C12orf50: variants seen among roughly 807,000 people sequenced by gnomAD.
C12orf50 encodes the protein zinc finger CCCH-type containing 11D.
Under a neutral mutation model 61.6 loss-of-function variants are expected in C12orf50, and 35 were observed. That is an observed-to-expected ratio of 0.57 (90% CI 0.43 to 0.75). The LOEUF (loss-of-function observed/expected upper bound fraction) is 0.75. Ranked by LOEUF, C12orf50 falls within the 30% of genes least tolerant of loss-of-function variation. The pLI, the probability that C12orf50 is intolerant of heterozygous loss-of-function variation, is 0.00. For synonymous variants in C12orf50, 178 were observed against 161.5 expected (o/e 1.10, Z -0.77); for missense variants, 475 against 488.5 (o/e 0.97, Z 0.26).
At chr12:88,020,505 C>T (rs1397758395) in intron 3 of C12orf50, among the ~76,000 whole-genome samples, 3 of 152,066 alleles carry the variant, frequency 2.0e-5, no homozygotes, top group Non-Finnish European at 2.9e-5. Flanking sequence ...TAAATATATA[C>T]ACATCCAACA....
At chr12:88,013,350 G>A (rs994900460) in intron 3 of C12orf50, among the ~76,000 whole-genome samples, 1 of 152,126 alleles carries the variant, frequency 6.6e-6, no homozygotes, top group Non-Finnish European at 1.5e-5. Flanking sequence ...AGATTGTCAG[G>A]TGATTCCTAT....
chr12:87,996,667 A>C, intron 4 of C12orf50, 21 bp from the exon 5 acceptor site: 1 of 1,552,182 alleles, frequency 6.4e-7, no homozygotes, highest in Non-Finnish European at 8.8e-7. Context: ...TAGATTTTTT[A>C]AATTAAATTG....
intron 12 of C12orf50, among the ~76,000 whole-genome samples, chr12:87,980,640 T>C (rs2030415063): frequency 6.6e-6 from 1 of 152,172 alleles, no homozygotes; most frequent in South Asian, 2.1e-4. Flanking sequence ...CTCCATCATA[T>C]GGAGACAAGC....
intron 3 of C12orf50, among the ~76,000 whole-genome samples, chr12:88,021,255 G>C (rs184306812): frequency 3.7e-4 from 54 of 147,650 alleles, no homozygotes; most frequent in Admixed American, 1.5e-3. Flanking sequence ...TTGATTTTTT[G>C]AAAAAATTAA....
chr12:88,010,452 G>A (rs1332056894), intron 3 of C12orf50, among the ~76,000 whole-genome samples: 3 of 130,950 alleles, frequency 2.3e-5, no homozygotes, highest in African/African-American at 7.4e-5. Flanking sequence ...AAGATTATAA[G>A]ATTAAAATTA....
At chr12:88,024,292 G>A (rs887371413) in intron 3 of C12orf50, among the ~76,000 whole-genome samples, 2 of 152,026 alleles carry the variant, frequency 1.3e-5, no homozygotes, top group Admixed American at 1.3e-4. Flanking sequence ...ATACACACAG[G>A]AATATAAATC....
intron 3 of C12orf50, among the ~76,000 whole-genome samples, chr12:88,019,241 A>G (rs1387279755): frequency 1.3e-5 from 2 of 152,128 alleles, no homozygotes; most frequent in Non-Finnish European, 2.9e-5. Context: ...AAGTCTCATG[A>G]GATCTGACGA....
chr12:88,009,655 C>T (rs2059721122), intron 3 of C12orf50, among the ~76,000 whole-genome samples: 1 of 152,062 alleles, frequency 6.6e-6, no homozygotes, highest in Non-Finnish European at 1.5e-5. Context: ...CAACAAAGAA[C>T]TATCCAGTCC....
chr12:88,014,058 G>C (rs1384912488), intron 3 of C12orf50, among the ~76,000 whole-genome samples: 2 of 152,106 alleles, frequency 1.3e-5, no homozygotes, highest in African/African-American at 4.8e-5. Flanking sequence ...ACTCAGAAGT[G>C]CTAGAATATC....
At chr12:88,026,396 T>G in intron 3 of C12orf50, 92 bp downstream of exon 3, 1 of 1,423,826 alleles carries the variant, frequency 7.0e-7, no homozygotes, top group South Asian at 1.4e-5. Flanking sequence ...ATTGCTCACC[T>G]TGTCATACTT....
chr12:87,991,167 C>G (rs2031104036), intron 7 of C12orf50, among the ~76,000 whole-genome samples: 1 of 152,130 alleles, frequency 6.6e-6, no homozygotes, highest in Non-Finnish European at 1.5e-5. Flanking sequence ...TAGTCCTTCA[C>G]AGAATCAAGG....
chr12:87,994,770 C>T (rs1239242652), intron 6 of C12orf50, 27 bp from the exon 7 acceptor site: 28 of 1,446,500 alleles, frequency 1.9e-5, no homozygotes, highest in Non-Finnish European at 2.5e-5. Context: ...AAAAAAGTCA[C>T]CCCAGAAATT....
chr12:87,995,896 C>T lies in C12orf50; in HGVS notation c.481+478G>A, dbSNP rs1164525142. Among the ~76,000 whole-genome samples the T allele has an allele frequency of 2.0e-5, 3 of 152,192 alleles. No homozygotes were observed. In the East Asian group the frequency reaches 5.8e-4, roughly 29 times the overall value. ...CTCCAAAGGTAAGCGCCATAAAAAG[C>T]AGAGCCTTCGATTTGTTCTCCAGCA... On this transcript the variant is annotated intron_variant, in intron 6 of 12. Coordinates refer to ENST00000298699, the MANE Select transcript of C12orf50 (RefSeq NM_152589.3).
At chr12:88,020,322 T>C (rs986142074) in intron 3 of C12orf50, among the ~76,000 whole-genome samples, 1 of 152,150 alleles carries the variant, frequency 6.6e-6, no homozygotes, top group Non-Finnish European at 1.5e-5. Flanking sequence ...ATGATACCCA[T>C]AGGCTCAAAA....
At chr12:88,016,347 T>C (rs1004573431) in intron 3 of C12orf50, among the ~76,000 whole-genome samples, 3 of 152,180 alleles carry the variant, frequency 2.0e-5, no homozygotes, top group Non-Finnish European at 4.4e-5. Context: ...TTCACAAAGG[T>C]ATTACTTTAT....
chr12:88,015,167 G>A (rs956170190), intron 3 of C12orf50, among the ~76,000 whole-genome samples: 1 of 152,070 alleles, frequency 6.6e-6, no homozygotes, highest in African/African-American at 2.4e-5. Context: ...GAACTAAGCT[G>A]AAGAACTTTT....
chr12:88,002,961 C>G (rs573419667), intron 3 of C12orf50, among the ~76,000 whole-genome samples: 9 of 151,946 alleles, frequency 5.9e-5, no homozygotes, highest in African/African-American at 2.2e-4. Flanking sequence ...TAGCTCTATG[C>G]CCTCTTCCTC....
chr12:88,021,775 T>A (rs1173171921), intron 3 of C12orf50, among the ~76,000 whole-genome samples: 1 of 151,708 alleles, frequency 6.6e-6, no homozygotes, highest in East Asian at 1.9e-4. Context: ...ACATGCAACC[T>A]CCCAAGACTG....
At chr12:88,011,940 T>C (rs1160216732) in intron 3 of C12orf50, among the ~76,000 whole-genome samples, 1 of 152,214 alleles carries the variant, frequency 6.6e-6, no homozygotes, top group Non-Finnish European at 1.5e-5. Flanking sequence ...CACGTAGAAT[T>C]GGCAAATTTT....
Sources: allele counts gnomAD v4.1 joint callset (sites outside exome capture counted in the v4.1 genomes callset), GRCh38; gene constraint gnomAD v4.1.1; transcripts MANE v1.5; gene names NCBI Gene and HGNC (gene_info 2026-07-23, HGNC 2026-07-21).